ANAPC5: variants seen among roughly 807,000 people sequenced by gnomAD.
The protein encoded by ANAPC5 is anaphase promoting complex subunit 5, also known as anaphase-promoting complex subunit 5.
In ANAPC5, 60 loss-of-function variants were observed where a neutral mutation model predicts 91.3. The ratio of observed to expected loss-of-function variants is 0.66; its 90% CI spans 0.53 to 0.81. The LOEUF (loss-of-function observed/expected upper bound fraction) is 0.81. Ranked by LOEUF, ANAPC5 falls within the 40% of genes least tolerant of loss-of-function variation. The pLI is 0.00. For missense variants in ANAPC5, 690 were observed against 931.5 expected, an observed-to-expected ratio of 0.74 and a Z score of 3.37; for synonymous variants, 340 against 364.1, an observed-to-expected ratio of 0.93 and a Z score of 0.75.
chr12:121,352,457 A>C (rs544389213), upstream of ANAPC5: 1 of 824,988 alleles, frequency 1.2e-6, no homozygotes. Flanking sequence ...GGAAACAGAC[A>C]TCCGCGTGCT....
intron 11 of ANAPC5, among the ~76,000 whole-genome samples, 158 bp downstream of exon 11, chr12:121,326,938 A>G (rs1402820176): frequency 6.6e-6 from 1 of 152,102 alleles, no homozygotes; most frequent in African/African-American, 2.4e-5. Flanking sequence ...TGCAGACTCC[A>G]CCCTTGGTCC....
At chr12:121,338,698 G>A (rs1903336217) in intron 5 of ANAPC5, among the ~76,000 whole-genome samples, 2 of 152,170 alleles carry the variant, frequency 1.3e-5, no homozygotes, top group South Asian at 4.1e-4. Context: ...AAAATCTTCT[G>A]CAATCTCACT....
At chr12:121,330,185 T>C (rs1054643831) in intron 9 of ANAPC5, among the ~76,000 whole-genome samples, 8 of 152,140 alleles carry the variant, frequency 5.3e-5, no homozygotes, top group African/African-American at 1.7e-4. Flanking sequence ...AAATGTAAAA[T>C]CCACTCAGCC....
At chr12:121,331,950 A>T (rs1311674693) in intron 7 of ANAPC5, 1 of 152,276 alleles carries the variant, frequency 6.6e-6, no homozygotes, top group East Asian at 1.9e-4. Context: ...CAGGCGATGG[A>T]CCTCAGCCTC....
chr12:121,327,245 G>C lies in ANAPC5; in HGVS notation c.1305-14C>G. 3 of 1,610,812 alleles carry C rather than the reference G, an allele frequency of 1.9e-6. No individual in the cohort carries two copies. The highest frequency in any genetic ancestry group is 2.5e-6 in the Non-Finnish European group (3 of 1,179,662). On this transcript the variant is annotated splice_polypyrimidine_tract_variant and intron_variant, in intron 10 of 16. Coordinates refer to ENST00000261819, the MANE Select transcript of ANAPC5 (RefSeq NM_016237.5). ...AGTGCCATGGTGCTGGGTGGGGAGA[G>C]GGAACAGGATTTCCTTTCAGCAGCA...
intron 13 of ANAPC5, 56 bp from the exon 14 acceptor site, chr12:121,318,664 A>G: frequency 7.0e-7 from 1 of 1,431,232 alleles, no homozygotes; most frequent in Non-Finnish European, 9.8e-7. Context: ...TGAGGGTAAG[A>G]ATCTCAATTT....
chr12:121,328,650 A>AC, intron 9 of ANAPC5, 153 bp from the exon 10 acceptor site: 7 of 654,882 alleles, frequency 1.1e-5, no homozygotes, highest in Non-Finnish European at 2.5e-6. Flanking sequence ...CTTAACCCTG[A>AC]GCCATACGAG....
At chr12:121,320,340 A>G (rs750394024) in intron 12 of ANAPC5, 45 bp downstream of exon 12, 61 of 1,567,926 alleles carry the variant, frequency 3.9e-5, no homozygotes, top group Non-Finnish European at 4.6e-5. Context: ...AATAAAAGCT[A>G]TTTTTATCAG....
At chr12:121,350,847 G>A (rs1903860352) in intron 1 of ANAPC5, among the ~76,000 whole-genome samples, 1 of 152,176 alleles carries the variant, frequency 6.6e-6, no homozygotes, top group Admixed American at 6.5e-5. Flanking sequence ...TAATGGGAGA[G>A]AAGGCCATCA....
At chr12:121,325,232 G>C (rs1902763894) in intron 11 of ANAPC5, among the ~76,000 whole-genome samples, 1 of 152,134 alleles carries the variant, frequency 6.6e-6, no homozygotes, top group Non-Finnish European at 1.5e-5. Context: ...GGAGGCCAAG[G>C]CAGGTGGATC....
At chr12:121,328,613 T>C (rs1902908650) in intron 9 of ANAPC5, 116 bp from the exon 10 acceptor site, 1 of 966,840 alleles carries the variant, frequency 1.0e-6, no homozygotes, top group Admixed American at 2.5e-5. Context: ...ACAGCACTAT[T>C]TAAAAGGAAA....
At chr12:121,310,913 G>A (rs1228900408) in intron 15 of ANAPC5, among the ~76,000 whole-genome samples, 1 of 124,464 alleles carries the variant, frequency 8.0e-6, no homozygotes, top group African/African-American at 3.4e-5. Flanking sequence ...CAGCCTGGGT[G>A]ACAGAGTGAG....
intron 15 of ANAPC5, 170 bp from the exon 16 acceptor site, chr12:121,310,033 A>G (rs1902096129): frequency 1.9e-6 from 1 of 520,278 alleles, no homozygotes; most frequent in Non-Finnish European, 3.2e-6. Flanking sequence ...AACATGTGAC[A>G]ATCTGATTTC....
intron 10 of ANAPC5, 168 bp from the exon 11 acceptor site, chr12:121,327,399 GA>G (rs1902861740): frequency 2.2e-5 from 17 of 761,604 alleles, no homozygotes; most frequent in Non-Finnish European, 3.3e-5. Context: ...CTCAGGATAA[GA>G]AAGGCAGAAA....
At chr12:121,314,921 C>G (rs1393079817) in intron 15 of ANAPC5, among the ~76,000 whole-genome samples, 1 of 151,992 alleles carries the variant, frequency 6.6e-6, no homozygotes, top group African/African-American at 2.4e-5. Context: ...GACACCGAGC[C>G]AAGACACACA....
At chr12:121,330,523 G>A in intron 9 of ANAPC5, 60 bp downstream of exon 9, 1 of 1,453,308 alleles carries the variant, frequency 6.9e-7, no homozygotes, top group African/African-American at 1.4e-5. Context: ...GAGGTGGGCA[G>A]AAAAAGAGAC....
chr12:121,327,282 G>T, intron 10 of ANAPC5, 51 bp from the exon 11 acceptor site: 3 of 1,600,364 alleles, frequency 1.9e-6, no homozygotes, highest in Non-Finnish European at 1.7e-6. Context: ...ACCTGGCTGC[G>T]CTTTGGCCAT....
At chr12:121,344,139 C>CTAA (rs561004097) in intron 4 of ANAPC5, among the ~76,000 whole-genome samples, 94 of 152,250 alleles carry the variant, frequency 6.2e-4, no homozygotes, top group Non-Finnish European at 1.1e-3. Flanking sequence ...AGGCACTCTA[C>CTAA]TAAACACTGG....
intron 12 of ANAPC5, 24 bp downstream of exon 12, chr12:121,320,361 A>G: frequency 6.2e-7 from 1 of 1,607,720 alleles, no homozygotes; most frequent in Non-Finnish European, 8.5e-7. Context: ...AAATAAATCT[A>G]TTGCCATGCA....
Sources: gnomAD v4.1 joint callset for allele counts (sites outside exome capture counted in the v4.1 genomes callset) on GRCh38, gnomAD v4.1.1 for gene constraint, MANE v1.5 for transcripts, NCBI Gene and HGNC (gene_info 2026-07-23, HGNC 2026-07-21) for gene names.